The following ITGB3BP variants were observed in gnomAD, a reference collection of about 807,000 sequenced individuals.
ITGB3BP encodes the protein centromere protein R.
Under a neutral mutation model 29.1 loss-of-function variants are expected in ITGB3BP, and 27 were observed. The observed-to-expected ratio is 0.93, with a 90% CI of 0.68 to 1.28. The LOEUF (loss-of-function observed/expected upper bound fraction) is 1.28. Ranked by LOEUF, ITGB3BP falls within the 50% of genes most tolerant of loss-of-function variation. ITGB3BP has a pLI of 0.00. For missense variants in ITGB3BP, 192 were observed against 200.2 expected, an observed-to-expected ratio of 0.96 and a Z score of 0.25; for synonymous variants, 61 against 61.4, an observed-to-expected ratio of 0.99 and a Z score of 0.03.
At chr1:63,446,580 G>T in intron 8 of ITGB3BP, 1 of 491,370 alleles carries the variant, frequency 2.0e-6, no homozygotes, top group Non-Finnish European at 3.7e-6. Flanking sequence ...AGTTAGCGTC[G>T]TCAGCTCAAC....
At chr1:63,490,043 G>C in intron 3 of ITGB3BP, 40 bp downstream of exon 3, 1 of 1,577,336 alleles carries the variant, frequency 6.3e-7, no homozygotes, top group Non-Finnish European at 8.6e-7. Context: ...CCAATAACTA[G>C]AAAAACCTTA....
chr1:63,449,044 T>C (rs1644827158), intron 7 of ITGB3BP, among the ~76,000 whole-genome samples: 1 of 152,196 alleles, frequency 6.6e-6, no homozygotes, highest in Non-Finnish European at 1.5e-5. Context: ...AAATGTTATT[T>C]ATTTTTATGT....
chr1:63,512,243 A>G (rs1476365841), intron 1 of ITGB3BP, among the ~76,000 whole-genome samples: 3 of 152,082 alleles, frequency 2.0e-5, no homozygotes, highest in African/African-American at 7.2e-5. Flanking sequence ...ATGTTTGTAT[A>G]ATTATATTAT....
intron 1 of ITGB3BP, among the ~76,000 whole-genome samples, chr1:63,519,237 G>A (rs186552732): frequency 3.9e-5 from 6 of 152,174 alleles, no homozygotes; most frequent in Admixed American, 3.9e-4. Flanking sequence ...GCTTAAACAT[G>A]TTGAGAACTC....
chr1:63,508,583 A>T lies in ITGB3BP; in HGVS notation c.6-13T>A. 8.2e-7 allele frequency: 1 copy of T among 1,213,682 alleles called. No individual in the cohort carries two copies. Among genetic ancestry groups the T allele is most frequent in the East Asian group, 2.6e-5 (1 of 38,254 alleles). 75.2% of individuals were successfully genotyped at this position (1,213,682 alleles called of 1,614,324 possible). A position where few individuals can be genotyped will look rare whatever the true frequency, so the allele number is the denominator to read the frequency against. ...TGATCTTTTAACACTACAAACAAAAAATTTAAAGAAATTTTAGATTTGACA... is the reference window on the plus strand; with the variant it reads ...TGATCTTTTAACACTACAAACAAAATATTTAAAGAAATTTTAGATTTGACA... On this transcript the variant is annotated splice_polypyrimidine_tract_variant and intron_variant, in intron 1 of 8. Coordinates refer to ENST00000271002, the MANE Select transcript of ITGB3BP (RefSeq NM_014288.5).
At chr1:63,455,670 C>A (rs983197644) in intron 4 of ITGB3BP, among the ~76,000 whole-genome samples, 3 of 152,046 alleles carry the variant, frequency 2.0e-5, no homozygotes, top group Non-Finnish European at 1.5e-5. Flanking sequence ...TTGAAGGCTG[C>A]ACAATATTCT....
Position 63,454,201 on chromosome 1 carries a change from G to T in ITGB3BP, c.427+179C>A, listed in dbSNP as rs924217984. Among the ~76,000 whole-genome samples the T allele has an allele frequency of 1.3e-5, 2 of 151,826 alleles. No individual in the cohort carries two copies. Among genetic ancestry groups the T allele is most frequent in the African/African-American group, 2.4e-5 (1 of 41,366 alleles). ...CATTCTTTTCATTCACATTCAAGAAGAATCCCCAAAATAACACATCCTGAT... is the reference window on the plus strand; with the variant it reads ...CATTCTTTTCATTCACATTCAAGAATAATCCCCAAAATAACACATCCTGAT... On this transcript the variant is annotated intron_variant, in intron 6 of 8. Coordinates refer to ENST00000271002, the MANE Select transcript of ITGB3BP (RefSeq NM_014288.5). This position sits in a 1 kb window ranked among gnomAD's most constrained non-coding sequence, Gnocchi z 4.1.
intron 1 of ITGB3BP, among the ~76,000 whole-genome samples, chr1:63,512,751 T>G (rs1646228126): frequency 1.3e-5 from 2 of 152,126 alleles, no homozygotes; most frequent in South Asian, 4.1e-4. Context: ...GTGCTTCCAT[T>G]TACTCCACAC....
At chr1:63,468,280 T>C (rs1409634915) in intron 4 of ITGB3BP, among the ~76,000 whole-genome samples, 1 of 152,120 alleles carries the variant, frequency 6.6e-6, no homozygotes, top group Non-Finnish European at 1.5e-5. Context: ...CAGGGTAGGG[T>C]CATGTAAGAC....
intron 1 of ITGB3BP, among the ~76,000 whole-genome samples, chr1:63,521,447 T>C (rs1010505791): frequency 6.6e-6 from 1 of 152,138 alleles, no homozygotes; most frequent in African/African-American, 2.4e-5. Context: ...AACCTCAACT[T>C]TAAGGTTGTG....
chr1:63,441,355 A>G (rs1644728197), intron 8 of ITGB3BP, among the ~76,000 whole-genome samples: 1 of 152,068 alleles, frequency 6.6e-6, no homozygotes. Flanking sequence ...CTCCTGCCTC[A>G]GTCTCCTGAG....
At chr1:63,512,405 GA>G (rs1263965322) in intron 1 of ITGB3BP, among the ~76,000 whole-genome samples, 1 of 150,994 alleles carries the variant, frequency 6.6e-6, no homozygotes, top group African/African-American at 2.4e-5. Flanking sequence ...ATTATTCTAG[GA>G]AAAAAAAACC....
intron 8 of ITGB3BP, among the ~76,000 whole-genome samples, 159 bp from the exon 9 acceptor site, chr1:63,441,262 C>T (rs1299627904): frequency 3.3e-5 from 5 of 152,054 alleles, no homozygotes; most frequent in East Asian, 1.9e-4. Flanking sequence ...TCTTTTGAGA[C>T]GGAGTCTCAC....
intron 8 of ITGB3BP, among the ~76,000 whole-genome samples, chr1:63,442,341 T>TAA (rs1463333671): frequency 6.6e-6 from 1 of 152,206 alleles, no homozygotes; most frequent in Admixed American, 6.5e-5. Context: ...TCCCTCCTTG[T>TAA]AGTTTCCCTA....
At chr1:63,480,336 TA>T (rs1645416703) in intron 3 of ITGB3BP, among the ~76,000 whole-genome samples, 1 of 152,158 alleles carries the variant, frequency 6.6e-6, no homozygotes, top group African/African-American at 2.4e-5. Flanking sequence ...TTTTATGAGC[TA>T]TTTAGTTGTT....
intron 1 of ITGB3BP, among the ~76,000 whole-genome samples, chr1:63,522,694 G>A (rs17125087): frequency 0.021 from 3,261 of 152,202 alleles, 124 homozygotes; most frequent in African/African-American, 0.074. Flanking sequence ...AACAGTGAAA[G>A]AGTCTTATCT....
chr1:63,519,150 T>A (rs1033995634), intron 1 of ITGB3BP, among the ~76,000 whole-genome samples: 3 of 152,132 alleles, frequency 2.0e-5, no homozygotes, highest in Non-Finnish European at 4.4e-5. Context: ...AACAGGATTA[T>A]GTTACAACAA....
chr1:63,520,106 G>A (rs1361999605), intron 1 of ITGB3BP, among the ~76,000 whole-genome samples: 1 of 152,004 alleles, frequency 6.6e-6, no homozygotes, highest in Non-Finnish European at 1.5e-5. Context: ...AGAAAAGGTA[G>A]AAGAAGAAAA....
At chr1:63,503,060 T>C (rs1645979493) in intron 2 of ITGB3BP, among the ~76,000 whole-genome samples, 1 of 152,136 alleles carries the variant, frequency 6.6e-6, no homozygotes, top group African/African-American at 2.4e-5. Flanking sequence ...AAATGGTATT[T>C]CTAGTTCTAG....
Sources: gnomAD v4.1 joint callset for allele counts (sites outside exome capture counted in the v4.1 genomes callset) on GRCh38, gnomAD v4.1.1 for gene constraint, Gnocchi (gnomAD v3.1) non-coding constraint, MANE v1.5 for transcripts, NCBI Gene and HGNC (gene_info 2026-07-23, HGNC 2026-07-21) for gene names.